The following SWT1 variants were observed in gnomAD, a reference collection of about 807,000 sequenced individuals.
SWT1 encodes transcriptional protein SWT1.
SWT1 carries 33 observed loss-of-function variants against 107.3 expected under a neutral mutation model. The ratio of observed to expected loss-of-function variants is 0.31; its 90% CI spans 0.23 to 0.41. The LOEUF is 0.41. Among genes scored for constraint, SWT1 ranks in the 10% least tolerant of loss-of-function variants. The pLI, the probability that SWT1 is intolerant of heterozygous loss-of-function variation, is 1.00. For synonymous variants in SWT1, 345 were observed against 348.3 expected, an observed-to-expected ratio of 0.99 and a Z score of 0.11; for missense variants, 898 against 1,028.9, an observed-to-expected ratio of 0.87 and a Z score of 1.74.
At chr1:185,193,539 T>C (rs1657131147) in intron 10 of SWT1, among the ~76,000 whole-genome samples, 1 of 151,752 alleles carries the variant, frequency 6.6e-6, no homozygotes, top group Non-Finnish European at 1.5e-5. Flanking sequence ...CAATCTTGGC[T>C]CACTGCAGCC....
intron 16 of SWT1, among the ~76,000 whole-genome samples, chr1:185,254,946 G>A (rs906172107): frequency 2.6e-5 from 4 of 152,092 alleles, no homozygotes; most frequent in South Asian, 4.2e-4. Context: ...TACACACTGC[G>A]TTGAATGCGT....
chr1:185,271,384 T>C lies in SWT1; in HGVS notation c.2503T>C (p.Tyr835His), dbSNP rs373649979. The C allele has an allele frequency of 6.9e-7, 1 of 1,446,524 alleles. No individual in the cohort carries two copies. The highest frequency in any genetic ancestry group is 9.7e-7 in the Non-Finnish European group (1 of 1,030,488). The allele number at this position is 1,446,524 out of a possible 1,614,324, so 89.6% of individuals were successfully genotyped here. Reference protein sequence around the residue: ...VETLYNFLIKYEVNKNVKFTA... With the variant: ...VETLYNFLIKHEVNKNVKFTA... Reference sequence around the variant, plus strand: ...GACCCTCTATAACTTCCTAATCAAGTATGAGGTATGGGAAATATTTTAAAA... The same window carrying C: ...GACCCTCTATAACTTCCTAATCAAGCATGAGGTATGGGAAATATTTTAAAA... The change falls in exon 17 of 19, where the codon TAT (tyrosine) becomes CAT (histidine). Residue 835 changes from tyrosine (Y) to histidine (H), a missense_variant. Physicochemically the swap from Tyr to His is moderately conservative, Grantham distance 83. Coordinates refer to ENST00000367500, the MANE Select transcript of SWT1 (RefSeq NM_017673.7).
At chr1:185,253,717 A>G (rs1175960277) in intron 16 of SWT1, among the ~76,000 whole-genome samples, 12 of 151,904 alleles carry the variant, frequency 7.9e-5, no homozygotes, top group East Asian at 3.9e-4. Flanking sequence ...CAATCATGTC[A>G]TCTGCAAACA....
At chr1:185,190,408 G>A (rs966773636) in intron 9 of SWT1, 141 bp from the exon 10 acceptor site, 8 of 562,346 alleles carry the variant, frequency 1.4e-5, no homozygotes, top group Admixed American at 5.9e-5. Flanking sequence ...GTATAATGAC[G>A]TGTGTCCACC....
At chr1:185,183,688 A>ATTACTCCCCATAATTAT (rs1327394750) in intron 7 of SWT1, among the ~76,000 whole-genome samples, 1 of 152,232 alleles carries the variant, frequency 6.6e-6, no homozygotes, top group African/African-American at 2.4e-5. Flanking sequence ...CCATGACAGA[A>ATTACTCCCCATAATTAT]GTTAGAAACA....
chr1:185,171,125 C>T (rs766073938), intron 4 of SWT1, among the ~76,000 whole-genome samples: 3 of 151,520 alleles, frequency 2.0e-5, no homozygotes, highest in Non-Finnish European at 4.4e-5. Flanking sequence ...TCCTTCTATT[C>T]TGGTATTACC....
intron 11 of SWT1, among the ~76,000 whole-genome samples, 155 bp downstream of exon 11, chr1:185,202,954 G>C (rs1345038092): frequency 6.6e-6 from 1 of 152,154 alleles, no homozygotes; most frequent in African/African-American, 2.4e-5. Flanking sequence ...ATAAATGGAA[G>C]TTATGATGGT....
intron 4 of SWT1, among the ~76,000 whole-genome samples, chr1:185,173,267 A>T (rs1558010882): frequency 6.6e-6 from 1 of 152,102 alleles, no homozygotes; most frequent in Non-Finnish European, 1.5e-5. Flanking sequence ...AGTACATCTA[A>T]CAAATACCAT....
intron 16 of SWT1, among the ~76,000 whole-genome samples, chr1:185,240,069 A>C (rs1571591221): frequency 6.6e-6 from 1 of 152,110 alleles, no homozygotes; most frequent in East Asian, 1.9e-4. Context: ...ATTCAAAGCA[A>C]CAATACAAGT....
intron 18 of SWT1, chr1:185,281,572 C>A: frequency 4.1e-6 from 1 of 241,092 alleles, no homozygotes; most frequent in South Asian, 5.3e-5. Flanking sequence ...TGCCAGATGT[C>A]AGCCCTGATG....
intron 17 of SWT1, among the ~76,000 whole-genome samples, chr1:185,272,396 G>A (rs1487949963): frequency 1.3e-5 from 2 of 152,176 alleles, no homozygotes; most frequent in Non-Finnish European, 2.9e-5. Context: ...CTAAATGAAG[G>A]AATGTGGCAT....
chr1:185,160,595 A>G (rs758096808), intron 1 of SWT1, among the ~76,000 whole-genome samples: 8 of 152,056 alleles, frequency 5.3e-5, no homozygotes, highest in Non-Finnish European at 1.0e-4. Flanking sequence ...TCAGCTGCTC[A>G]GGAGGCTGAG....
At chr1:185,214,930 C>T (rs1175466322) in intron 14 of SWT1, among the ~76,000 whole-genome samples, 1 of 152,158 alleles carries the variant, frequency 6.6e-6, no homozygotes, top group African/African-American at 2.4e-5. Flanking sequence ...TGCTATTTGA[C>T]TGTTCATTTA....
chr1:185,198,032 G>T (rs1231244071), intron 10 of SWT1, among the ~76,000 whole-genome samples: 1 of 151,776 alleles, frequency 6.6e-6, no homozygotes, highest in African/African-American at 2.4e-5. Context: ...GTGATGTTAG[G>T]GTGTCAATTT....
At chr1:185,276,522 T>G in intron 17 of SWT1, 82 bp from the exon 18 acceptor site, 4 of 715,768 alleles carry the variant, frequency 5.6e-6, no homozygotes, top group South Asian at 5.3e-5. Flanking sequence ...AACTTTCCTC[T>G]CAGAATATGG....
chr1:185,284,954 A>C (rs146688386), intron 18 of SWT1, among the ~76,000 whole-genome samples: 41 of 149,192 alleles, frequency 2.7e-4, no homozygotes, highest in African/African-American at 1.0e-3. Context: ...AGTGACTGAG[A>C]CTCCCTGCAG....
intron 18 of SWT1, among the ~76,000 whole-genome samples, chr1:185,288,040 A>C (rs1293412130): frequency 6.6e-6 from 1 of 152,238 alleles, no homozygotes; most frequent in South Asian, 2.1e-4. Context: ...AAGGACAGGA[A>C]TAGGGGCCTA....
At chr1:185,224,284 G>A (rs1294622944) in intron 15 of SWT1, among the ~76,000 whole-genome samples, 6 of 151,948 alleles carry the variant, frequency 3.9e-5, no homozygotes, top group African/African-American at 1.2e-4. Context: ...ATTCTGTTCC[G>A]TTGGTTTATG....
chr1:185,246,960 C>A (rs1661658278), intron 16 of SWT1, among the ~76,000 whole-genome samples: 5 of 152,152 alleles, frequency 3.3e-5, no homozygotes, highest in Admixed American at 2.6e-4. Context: ...CTTCTAAGAT[C>A]ATTTTTCTTT....
Sources: gnomAD v4.1 joint callset for allele counts (sites outside exome capture counted in the v4.1 genomes callset) on GRCh38, gnomAD v4.1.1 for gene constraint, MANE v1.5 for transcripts, NCBI Gene and HGNC (gene_info 2026-07-23, HGNC 2026-07-21) for gene names.